PPP1R12A: variants seen among roughly 807,000 people sequenced by gnomAD.
PPP1R12A encodes protein phosphatase 1 regulatory subunit 12A.
Under a neutral mutation model 139.6 loss-of-function variants are expected in PPP1R12A, and 19 were observed. That is an observed-to-expected ratio of 0.14 (90% CI 0.09 to 0.20). PPP1R12A has a LOEUF of 0.20. PPP1R12A is among the 10% of genes least tolerant of loss of function. The pLI is 1.00. For missense variants in PPP1R12A, 925 were observed against 1,211.5 expected (o/e 0.76, Z 3.51); for synonymous variants, 427 against 420.6 (o/e 1.02, Z -0.19).
intron 1 of PPP1R12A, among the ~76,000 whole-genome samples, chr12:79,904,390 C>G (rs1364092275): frequency 2.0e-5 from 3 of 152,046 alleles, no homozygotes; most frequent in Non-Finnish European, 2.9e-5. Flanking sequence ...AAGGCAGACA[C>G]TTTCTGTATG....
intron 3 of PPP1R12A, among the ~76,000 whole-genome samples, chr12:79,834,668 C>G (rs1877860036): frequency 6.6e-6 from 1 of 152,166 alleles, no homozygotes; most frequent in Admixed American, 6.5e-5. Context: ...AGATGCCTAA[C>G]AAATATCTAG....
intron 21 of PPP1R12A, 43 bp from the exon 22 acceptor site, chr12:79,786,521 C>A: frequency 8.0e-7 from 1 of 1,248,528 alleles, no homozygotes. Context: ...TTTCTGCTCT[C>A]CTATTACTTT....
At chr12:79,777,286 GA>G in intron 24 of PPP1R12A, 3 of 974,104 alleles carry the variant, frequency 3.1e-6, no homozygotes, top group Non-Finnish European at 3.7e-6. Context: ...CAAAAGTACA[GA>G]TAAGTCTTTA....
At chr12:79,852,336 A>G (rs1880149579) in intron 2 of PPP1R12A, among the ~76,000 whole-genome samples, 1 of 151,602 alleles carries the variant, frequency 6.6e-6, no homozygotes, top group Admixed American at 6.6e-5. Flanking sequence ...CATTATAGGC[A>G]TGTGCCATCA....
chr12:79,903,872 C>T (rs1393482119), intron 1 of PPP1R12A, among the ~76,000 whole-genome samples: 1 of 152,082 alleles, frequency 6.6e-6, no homozygotes, highest in African/African-American at 2.4e-5. Context: ...ACCCATTTTT[C>T]CCCCTACTCA....
At chr12:79,869,192 GAAGAGCC>G (rs1882299847) in intron 2 of PPP1R12A, among the ~76,000 whole-genome samples, 1 of 152,188 alleles carries the variant, frequency 6.6e-6, no homozygotes, top group Admixed American at 6.5e-5. Flanking sequence ...GCCAGTGTAT[GAAGAGCC>G]ATCATTCATC....
At chr12:79,916,492 T>A (rs534795159) in intron 1 of PPP1R12A, among the ~76,000 whole-genome samples, 3 of 152,204 alleles carry the variant, frequency 2.0e-5, no homozygotes, top group African/African-American at 7.2e-5. Context: ...TTATCTCCTA[T>A]TGGATTGTTT....
intron 1 of PPP1R12A, among the ~76,000 whole-genome samples, chr12:79,927,252 T>C (rs976041874): frequency 1.2e-4 from 18 of 152,062 alleles, no homozygotes; most frequent in African/African-American, 3.4e-4. Flanking sequence ...TATAAATTGC[T>C]ATTAGGGTAA....
Position 79,821,166 on chromosome 12 carries a change from G to A in PPP1R12A, c.868C>T (p.Leu290Phe). ...TTCTTGTCCCGTTTTTCACTATGGA[G>A]CTTTGTACAAAGTTATGCAAAGGAA... ...LEELQKKQNLLHSEKRDKKSP... is the reference protein window; with the variant it reads ...LEELQKKQNLFHSEKRDKKSP... Residue 290 changes from leucine (L) to phenylalanine (F), a missense_variant and splice_region_variant, in exon 7 of 25, where the codon CTC becomes TTC. By Grantham distance (22) the Leu-to-Phe change is conservative. Around this residue, in one of 4 missense-constraint regions of PPP1R12A, gnomAD observed 403 missense variants for 463.7 expected, o/e 0.87. Coordinates refer to ENST00000450142, the MANE Select transcript of PPP1R12A (RefSeq NM_002480.3). The A allele has an allele frequency of 6.2e-7, 1 of 1,606,562 alleles. No homozygotes were observed. The highest frequency in any genetic ancestry group is 1.1e-5 in the South Asian group (1 of 90,656).
chr12:79,850,763 C>G (rs1485451316), intron 2 of PPP1R12A, among the ~76,000 whole-genome samples: 4 of 152,104 alleles, frequency 2.6e-5, no homozygotes, highest in Non-Finnish European at 4.4e-5. Flanking sequence ...CCTCTTAGTG[C>G]TGTCTTAGTG....
intron 1 of PPP1R12A, among the ~76,000 whole-genome samples, chr12:79,884,093 G>A (rs553797927): frequency 1.4e-4 from 21 of 152,224 alleles, no homozygotes; most frequent in South Asian, 6.2e-4. Flanking sequence ...AGCCAAATAC[G>A]GTGAGGTAAG....
intron 1 of PPP1R12A, among the ~76,000 whole-genome samples, chr12:79,901,328 AC>A (rs1379732588): frequency 6.6e-5 from 10 of 152,296 alleles, no homozygotes; most frequent in Admixed American, 2.6e-4. Flanking sequence ...CAGCTGAAGG[AC>A]ATTTGGGTTG....
intron 1 of PPP1R12A, among the ~76,000 whole-genome samples, chr12:79,918,624 T>A (rs1180937404): frequency 6.6e-6 from 1 of 152,144 alleles, no homozygotes; most frequent in African/African-American, 2.4e-5. Flanking sequence ...TAAATATATT[T>A]TAAGTCCATC....
chr12:79,787,128 T>G (rs527711618), intron 21 of PPP1R12A: 1 of 152,322 alleles, frequency 6.6e-6, no homozygotes, highest in Non-Finnish European at 1.5e-5. Flanking sequence ...TAATCTGTTT[T>G]ATATATAGGA....
intron 4 of PPP1R12A, among the ~76,000 whole-genome samples, chr12:79,830,345 A>C (rs1473716389): frequency 6.6e-6 from 1 of 152,192 alleles, no homozygotes; most frequent in Non-Finnish European, 1.5e-5. Flanking sequence ...TTTCTATAAC[A>C]GTATGTAAGG....
At chr12:79,836,666 G>T (rs993074389) in intron 3 of PPP1R12A, among the ~76,000 whole-genome samples, 2 of 151,966 alleles carry the variant, frequency 1.3e-5, no homozygotes, top group Non-Finnish European at 2.9e-5. Flanking sequence ...AAATACTACC[G>T]ATTAGAGTAT....
chr12:79,817,409 TGTAGGTGTTGCTTGACCTGATGACACA>T lies in PPP1R12A; in HGVS notation c.1197_1223del (p.Val400_Thr408del). 3.1e-6 allele frequency: 5 copies of T among 1,612,006 alleles called. No individual in the cohort carries two copies. The highest frequency in any genetic ancestry group is 3.4e-6 in the Non-Finnish European group (4 of 1,178,830). ...TTTGGCTTACCTTTTTAATAGGTGA[TGTAGGTGTTGCTTGACCTGATGACACA>T]GTAGGTGTTGTAACAGCTACAGGAG... On this transcript the variant is annotated inframe_deletion, in exon 9 of 25. Coordinates refer to ENST00000450142, the MANE Select transcript of PPP1R12A (RefSeq NM_002480.3).
chr12:79,794,859 C>A (rs1284934463), intron 18 of PPP1R12A, among the ~76,000 whole-genome samples: 1 of 151,940 alleles, frequency 6.6e-6, no homozygotes, highest in African/African-American at 2.4e-5. Context: ...ATAAACATAA[C>A]AGTTATAAAA....
chr12:79,898,937 T>C (rs1885375444), intron 1 of PPP1R12A, among the ~76,000 whole-genome samples: 1 of 152,178 alleles, frequency 6.6e-6, no homozygotes, highest in Admixed American at 6.5e-5. Context: ...CCTTCGCATT[T>C]TATTGTATGA....
Sources: allele counts gnomAD v4.1 joint callset (sites outside exome capture counted in the v4.1 genomes callset), GRCh38; gene constraint gnomAD v4.1.1; regional missense constraint gnomAD v4.1.1; transcripts MANE v1.5; gene names NCBI Gene and HGNC (gene_info 2026-07-23, HGNC 2026-07-21).